CFAP206: variants seen among roughly 807,000 people sequenced by gnomAD.
The protein encoded by CFAP206 is cilia- and flagella-associated protein 206.
In CFAP206, 53 loss-of-function variants were observed where a neutral mutation model predicts 65.4. The observed-to-expected ratio is 0.81, with a 90% confidence interval of 0.65 to 1.02. The LOEUF is 1.02. CFAP206 is among the 50% of genes least tolerant of loss of function. The pLI is 0.00. For missense variants in CFAP206, 663 were observed against 753.2 expected (o/e 0.88, Z 1.40); for synonymous variants, 250 against 254.4 (o/e 0.98, Z 0.17).
At chr6:87,460,341 G>A (rs182978109) in intron 11 of CFAP206, among the ~76,000 whole-genome samples, 100 of 152,314 alleles carry the variant, frequency 6.6e-4, no homozygotes, top group East Asian at 1.9e-4. Flanking sequence ...TGCATAGCTT[G>A]AGTTCAACAT....
chr6:87,432,900 T>C lies in CFAP206; in HGVS notation c.1300+1727T>C, dbSNP rs201693576. The stretch of plus-strand genomic sequence containing the variant: ...AACCTGCATTACCTCAGATGAATTC[T>C]GTAGAACTTCCCTTCTTCCATTCAG... On this transcript the variant is annotated intron_variant, in intron 10 of 12. Coordinates refer to ENST00000369562, the MANE Select transcript of CFAP206 (RefSeq NM_001031743.3). Among the ~76,000 whole-genome samples, 5 of 152,378 alleles carry C rather than the reference T, an allele frequency of 3.3e-5. No individual in the cohort carries two copies. The East Asian group carries it at 7.7e-4, about 23-fold the overall frequency.
intron 7 of CFAP206, chr6:87,425,966 C>T (rs1376131457): frequency 6.3e-6 from 1 of 159,138 alleles, no homozygotes; most frequent in Admixed American, 6.4e-5. Context: ...CCTTGTGAGT[C>T]ATTTCAATGA....
At chr6:87,434,094 C>T (rs1462543312) in intron 10 of CFAP206, among the ~76,000 whole-genome samples, 2 of 136,212 alleles carry the variant, frequency 1.5e-5, no homozygotes, top group South Asian at 2.2e-4. Flanking sequence ...AGCAAGACTT[C>T]GTCTCAAAAA....
intron 1 of CFAP206, among the ~76,000 whole-genome samples, chr6:87,408,316 C>T (rs1267730441): frequency 3.9e-5 from 6 of 152,246 alleles, no homozygotes; most frequent in Non-Finnish European, 8.8e-5. Flanking sequence ...CTAGCCTTTG[C>T]GCGGGTGCCT....
At chr6:87,415,541 G>A (rs750488891) in intron 4 of CFAP206, 145 bp from the exon 5 acceptor site, 1 of 800,252 alleles carries the variant, frequency 1.2e-6, no homozygotes, top group South Asian at 1.5e-5. Context: ...GCTGGCCACT[G>A]TTTTTTATTT....
intron 7 of CFAP206, among the ~76,000 whole-genome samples, chr6:87,419,431 GAT>G (rs1767900355): frequency 6.6e-6 from 1 of 152,130 alleles, no homozygotes; most frequent in South Asian, 2.1e-4. Flanking sequence ...ATATAAAACA[GAT>G]ATCTACATAA....
intron 11 of CFAP206, among the ~76,000 whole-genome samples, chr6:87,445,362 C>CT (rs909915096): frequency 1.3e-5 from 2 of 151,944 alleles, no homozygotes; most frequent in Non-Finnish European, 2.9e-5. Flanking sequence ...TCTCCTTCTC[C>CT]TTGCCCCTCC....
At chr6:87,446,193 G>A (rs1479383857) in intron 11 of CFAP206, among the ~76,000 whole-genome samples, 2 of 152,128 alleles carry the variant, frequency 1.3e-5, no homozygotes, top group Admixed American at 6.5e-5. Flanking sequence ...CTGCGCAGAA[G>A]CTCTTTAGTT....
intron 11 of CFAP206, among the ~76,000 whole-genome samples, chr6:87,437,114 C>T (rs545635781): frequency 5.9e-5 from 9 of 152,036 alleles, no homozygotes; most frequent in Non-Finnish European, 1.2e-4. Flanking sequence ...GGATTACAGG[C>T]GTCTGCCAAC....
rs561208151 is a variant in CFAP206, at chr6:87,421,343, G to C, written c.840+2927G>C. On this transcript the variant is annotated intron_variant, in intron 7 of 12. Coordinates refer to ENST00000369562, the MANE Select transcript of CFAP206 (RefSeq NM_001031743.3). The stretch of plus-strand genomic sequence containing the variant: ...TCTACTAAAAATACAAAAATTAGCC[G>C]GGCATAGTGGTGGGTGCCTGTAATC... Among the ~76,000 whole-genome samples the C allele has an allele frequency of 1.7e-3, 260 of 152,144 alleles. 2 individuals carry two copies. Among genetic ancestry groups the C allele is most frequent in the African/African-American group, 6.1e-3 (252 of 41,490 alleles).
chr6:87,432,028 A>G (rs1328202571), intron 10 of CFAP206, among the ~76,000 whole-genome samples: 2 of 152,244 alleles, frequency 1.3e-5, no homozygotes, highest in African/African-American at 2.4e-5. Flanking sequence ...GAAAGAAATT[A>G]TCATCCAAAA....
intron 7 of CFAP206, among the ~76,000 whole-genome samples, chr6:87,419,578 T>C (rs1171421343): frequency 6.6e-6 from 1 of 152,196 alleles, no homozygotes; most frequent in African/African-American, 2.4e-5. Context: ...CAACCTCTGT[T>C]TTCCAGTAAC....
At chr6:87,432,196 G>T (rs534179141) in intron 10 of CFAP206, among the ~76,000 whole-genome samples, 6 of 151,904 alleles carry the variant, frequency 3.9e-5, no homozygotes, top group Admixed American at 1.3e-4. Context: ...TCACAATTGG[G>T]TATTTTTTCA....
At position 87,452,558 on chromosome 6, in the gene CFAP206, C is replaced by A. The variant is rs538225565; in HGVS notation, c.1495-8464C>A. Among the ~76,000 whole-genome samples the A allele has an allele frequency of 8.5e-5, 13 of 152,114 alleles. No homozygotes were observed. The South Asian group carries it at 2.3e-3, about 27-fold the overall frequency. On this transcript the variant is annotated intron_variant, in intron 11 of 12. Coordinates refer to ENST00000369562, the MANE Select transcript of CFAP206 (RefSeq NM_001031743.3). ...CTTTCAGACAGAGAATTCAAAATAG[C>A]TGTTTTGAGGAAGCTCAATGAAATC...
chr6:87,408,952 T>C (rs769094556), intron 1 of CFAP206, among the ~76,000 whole-genome samples: 43 of 152,368 alleles, frequency 2.8e-4, no homozygotes, highest in Admixed American at 1.1e-3. Flanking sequence ...TCCATTGTGC[T>C]TAGTTACTGA....
chr6:87,457,661 T>A (rs1381248889), intron 11 of CFAP206, among the ~76,000 whole-genome samples: 1 of 152,196 alleles, frequency 6.6e-6, no homozygotes, highest in East Asian at 1.9e-4. Context: ...TATACAAGAA[T>A]CAAATCAAAG....
chr6:87,410,685 C>A lies in CFAP206; in HGVS notation c.192+17C>A, dbSNP rs771098729. 10 of 1,596,288 alleles carry A rather than the reference C, an allele frequency of 6.3e-6. No individual in the cohort carries two copies. Among genetic ancestry groups the A allele is most frequent in the Non-Finnish European group, 8.6e-6 (10 of 1,165,242 alleles). Reference sequence around the variant, plus strand: ...CTTGTTAAGGTGATTACCCAACAGTCCTCAAATTTGCAATTACTTATTCTC... The same window carrying A: ...CTTGTTAAGGTGATTACCCAACAGTACTCAAATTTGCAATTACTTATTCTC... On this transcript the variant is annotated intron_variant, in intron 3 of 12. Transcript: ENST00000369562.
At chr6:87,438,060 C>T (rs1272095150) in intron 11 of CFAP206, among the ~76,000 whole-genome samples, 1 of 151,866 alleles carries the variant, frequency 6.6e-6, no homozygotes, top group Non-Finnish European at 1.5e-5. Flanking sequence ...CAGGACCAGG[C>T]ACTGCAATGG....
intron 11 of CFAP206, among the ~76,000 whole-genome samples, chr6:87,452,898 G>A (rs1161530581): frequency 1.3e-5 from 2 of 152,076 alleles, no homozygotes; most frequent in Non-Finnish European, 2.9e-5. Context: ...AGAAGAGATA[G>A]GGGTAGAAAG....
Sources: allele counts gnomAD v4.1 joint callset (sites outside exome capture counted in the v4.1 genomes callset), GRCh38; gene constraint gnomAD v4.1.1; transcripts MANE v1.5; gene names NCBI Gene and HGNC (gene_info 2026-07-23, HGNC 2026-07-21).